The following TET1 variants were observed in gnomAD, a reference collection of about 807,000 sequenced individuals.
TET1 encodes tet methylcytosine dioxygenase 1.
Under a neutral mutation model 148.7 loss-of-function variants are expected in TET1, and 13 were observed. The ratio of observed to expected loss-of-function variants is 0.09; its 90% CI spans 0.06 to 0.14. TET1 has a LOEUF of 0.14. Among genes scored for constraint, TET1 ranks in the 10% least tolerant of loss-of-function variants. TET1 has a pLI of 1.00. For synonymous variants in TET1, 907 were observed against 937.2 expected (o/e 0.97, Z 0.59); for missense variants, 2,182 against 2,553.8 (o/e 0.85, Z 3.14).
intron 6 of TET1, among the ~76,000 whole-genome samples, chr10:68,654,911 C>A (rs1199956163): frequency 6.6e-6 from 1 of 152,174 alleles, no homozygotes; most frequent in African/African-American, 2.4e-5. Context: ...TTACAGGAGG[C>A]CTTAGCTCTT....
chr10:68,621,716 C>G (rs1329092485), intron 3 of TET1, among the ~76,000 whole-genome samples: 2 of 152,100 alleles, frequency 1.3e-5, no homozygotes, highest in East Asian at 3.8e-4. Flanking sequence ...TGTAGTGAGA[C>G]TTTAATAAAA....
intron 3 of TET1, among the ~76,000 whole-genome samples, chr10:68,641,930 G>C (rs1443965160): frequency 1.3e-5 from 2 of 152,116 alleles, no homozygotes; most frequent in Non-Finnish European, 2.9e-5. Flanking sequence ...TCCCCAGTAG[G>C]TAGGACTACA....
chr10:68,668,989 GA>G (rs2055231835), intron 7 of TET1, among the ~76,000 whole-genome samples: 2 of 151,850 alleles, frequency 1.3e-5, no homozygotes, highest in African/African-American at 4.8e-5. Context: ...GAGAGAGAGA[GA>G]GAGAGAGAGA....
chr10:68,597,030 A>ATTTTTTTTTTTTTTTTTTTTTTTTTTTTT lies in TET1; in HGVS notation c.1915-3930_1915-3929insTTTTTTTTTTTTTTTTTTTTTTTTTTTTT, dbSNP rs553591899. On this transcript the variant is annotated intron_variant, in intron 2 of 11. Coordinates refer to ENST00000373644, the MANE Select transcript of TET1 (RefSeq NM_030625.3). ...ATTTTCATGATCACACAGCTAATGG[A>ATTTTTTTTTTTTTTTTTTTTTTTTTTTTT]TTTTTTTTTTTTTTTTTTTTTGAGA... Among the ~76,000 whole-genome samples, 18 of 98,880 alleles carry ATTTTTTTTTTTTTTTTTTTTTTTTTTTTT rather than the reference A, an allele frequency of 1.8e-4. 2 individuals are homozygous for ATTTTTTTTTTTTTTTTTTTTTTTTTTTTT. The highest frequency in any genetic ancestry group is 2.2e-4 in the African/African-American group (5 of 22,574). 64.9% of individuals were successfully genotyped at this position (98,880 alleles called of 152,430 possible). A position where few individuals can be genotyped will look rare whatever the true frequency, so the allele number is the denominator to read the frequency against.
intron 8 of TET1, among the ~76,000 whole-genome samples, chr10:68,676,340 G>A (rs2055361655): frequency 7.5e-6 from 1 of 132,908 alleles, no homozygotes; most frequent in South Asian, 2.5e-4. Context: ...CTGGAGTGCA[G>A]TGGCGCGATC....
intron 3 of TET1, among the ~76,000 whole-genome samples, chr10:68,637,004 T>TGTGTGTGA (rs2054661903): frequency 1.3e-5 from 2 of 149,042 alleles, no homozygotes; most frequent in Non-Finnish European, 3.0e-5. Context: ...TGTGTGTGTG[T>TGTGTGTGA]GTGTGAGTGT....
chr10:68,596,203 C>T (rs1233054724), intron 2 of TET1, among the ~76,000 whole-genome samples: 4 of 150,702 alleles, frequency 2.7e-5, no homozygotes, highest in Non-Finnish European at 4.4e-5. Flanking sequence ...CCATGCCCAG[C>T]GGAAGACATT....
At chr10:68,621,172 A>G (rs2054364617) in intron 3 of TET1, among the ~76,000 whole-genome samples, 1 of 152,202 alleles carries the variant, frequency 6.6e-6, no homozygotes, top group Non-Finnish European at 1.5e-5. Flanking sequence ...ATGGTGGCTC[A>G]TGCTTGTAAT....
At chr10:68,589,878 G>A (rs893844586) in intron 2 of TET1, among the ~76,000 whole-genome samples, 8 of 149,968 alleles carry the variant, frequency 5.3e-5, no homozygotes, top group Non-Finnish European at 7.4e-5. Context: ...CACTGTGTTG[G>A]CCAGGCTGGT....
rs755962320 is a variant in TET1, at chr10:68,646,491, G to A, written c.3762G>A (p.Lys1254=). 5 of 1,614,030 alleles carry A rather than the reference G, an allele frequency of 3.1e-6. No homozygotes were observed. The highest frequency in any genetic ancestry group is 1.6e-4 in the Middle Eastern group (1 of 6,084). ...GATATCCTGAATCAGCAGAGGAAAA[G>A]GTGAAGGTTGAACCATTGGATTCAC... is the stretch of plus-strand genomic sequence containing the variant. ...LQRYPESAEE[K]VKVEPLDSLS... Residue 1254 remains lysine (K), a synonymous_variant, in exon 4 of 12, where the codon AAG becomes AAA. Transcript: ENST00000373644.
Position 68,645,098 on chromosome 10 carries a change from C to T in TET1, c.2369C>T (p.Ser790Phe). 6.2e-7 allele frequency: 1 copy of T among 1,611,852 alleles called. No individual in the cohort carries two copies. The highest frequency in any genetic ancestry group is 8.5e-7 in the Non-Finnish European group (1 of 1,179,342). Residue 790 changes from serine to phenylalanine, a missense_variant, in exon 4 of 12, where the codon TCT becomes TTT. Coordinates refer to ENST00000373644, the MANE Select transcript of TET1 (RefSeq NM_030625.3). ...EEFGKTLENN[S>F]YKFLKDTANH... ...TTCGGCAAGACATTGGAAAACAATT[C>T]TTATAAATTCCTAAAAGACACTGCA...
At chr10:68,651,752 A>T in intron 4 of TET1, 94 bp from the exon 5 acceptor site, 1 of 834,982 alleles carries the variant, frequency 1.2e-6, no homozygotes, top group Non-Finnish European at 1.8e-6. Context: ...CATGGTTCTG[A>T]ATTGAGGGGG....
intron 2 of TET1, among the ~76,000 whole-genome samples, chr10:68,582,565 A>G (rs574642206): frequency 1.9e-4 from 29 of 152,184 alleles, no homozygotes; most frequent in Middle Eastern, 3.2e-3. Flanking sequence ...CTGACTGTCC[A>G]CTATTTTATG....
chr10:68,660,920 T>C (rs1203774358), intron 6 of TET1, among the ~76,000 whole-genome samples: 1 of 152,198 alleles, frequency 6.6e-6, no homozygotes, highest in Non-Finnish European at 1.5e-5. Context: ...CGCCTCGGCC[T>C]CCCAAAGTGT....
rs185015720 is a variant in TET1 at position 68,687,685 on chromosome 10, C to T, written c.5404+978C>T. On this transcript the variant is annotated intron_variant, in intron 11 of 11. Transcript: ENST00000373644. ...CTCACCACAGCCTCAACCTTCCAGG[C>T]TCAAGCAATCCTCCCACCTCAGCCT... Among the ~76,000 whole-genome samples the T allele has an allele frequency of 2.7e-3, 406 of 152,198 alleles. 3 individuals carry two copies. Among genetic ancestry groups the T allele is most frequent in the African/African-American group, 9.1e-3 (376 of 41,532 alleles).
chr10:68,646,378 A>C lies in TET1; in HGVS notation c.3649A>C (p.Thr1217Pro), dbSNP rs2054848090. The change falls in exon 4 of 12, where the codon ACC (threonine) becomes CCC (proline). Residue 1217 changes from threonine to proline, a missense_variant. By Grantham distance (38) the Thr-to-Pro change is conservative (BLOSUM62 -1). Coordinates refer to ENST00000373644, the MANE Select transcript of TET1 (RefSeq NM_030625.3). ...PTVFGKISSS[T>P]KIWKPLAQTR... is the part of the protein sequence containing the mutation. ...TGTATTTGGGAAAATTTCTTCCTCGACCAAAATATGGAAACCACTGGCTCA... is the reference window on the plus strand; with the variant it reads ...TGTATTTGGGAAAATTTCTTCCTCGCCCAAAATATGGAAACCACTGGCTCA... 2.5e-6 allele frequency: 4 copies of C among 1,614,152 alleles called. No homozygotes were observed. In the South Asian group the frequency reaches 4.4e-5, roughly 18 times the overall value.
At chr10:68,627,824 G>A (rs1166805062) in intron 3 of TET1, among the ~76,000 whole-genome samples, 5 of 151,460 alleles carry the variant, frequency 3.3e-5, no homozygotes, top group East Asian at 3.9e-4. Flanking sequence ...TAATCCCAGC[G>A]ACTTGGGAGG....
At chr10:68,663,450 C>T (rs1255597974) in intron 6 of TET1, among the ~76,000 whole-genome samples, 2 of 152,060 alleles carry the variant, frequency 1.3e-5, no homozygotes, top group Admixed American at 6.6e-5. Flanking sequence ...CTATTGCATC[C>T]TCAGTATATA....
intron 2 of TET1, among the ~76,000 whole-genome samples, chr10:68,597,030 A>ATTTTTTTTGTTTTTTTTTTTTTTTTT (rs2053996450): frequency 1.0e-5 from 1 of 98,894 alleles, no homozygotes; most frequent in Non-Finnish European, 1.9e-5. Context: ...CAGCTAATGG[A>ATTTTTTTTGTTTTTTTTTTTTTTTTT]TTTTTTTTTT....
Sources: allele counts gnomAD v4.1 joint callset (sites outside exome capture counted in the v4.1 genomes callset), GRCh38; gene constraint gnomAD v4.1.1; transcripts MANE v1.5; gene names NCBI Gene and HGNC (gene_info 2026-07-23, HGNC 2026-07-21).